Variants in EIF2B3 observed in about 807,000 individuals in gnomAD.
EIF2B3 encodes the protein translation initiation factor eIF2B subunit gamma.
Under a neutral mutation model 54.1 loss-of-function variants are expected in EIF2B3, and 20 were observed. That is an observed-to-expected ratio of 0.37 (90% CI 0.26 to 0.54). EIF2B3 has a LOEUF of 0.54. EIF2B3 is among the 20% of genes least tolerant of loss of function. EIF2B3 has a pLI of 0.86. For synonymous variants in EIF2B3, 153 were observed against 188.1 expected, an observed-to-expected ratio of 0.81 and a Z score of 1.52; for missense variants, 448 against 547.8, an observed-to-expected ratio of 0.82 and a Z score of 1.82.
chr1:44,941,763 C>A (rs1391044278), intron 3 of EIF2B3, 98 bp from the exon 4 acceptor site: 1 of 1,356,318 alleles, frequency 7.4e-7, no homozygotes, highest in Non-Finnish European at 1.1e-6. Flanking sequence ...CCACACAAAT[C>A]AGACAATACT....
intron 6 of EIF2B3, among the ~76,000 whole-genome samples, chr1:44,889,232 G>T (rs1036277693): frequency 6.6e-6 from 1 of 152,218 alleles, no homozygotes; most frequent in Non-Finnish European, 1.5e-5. Context: ...AAATTTAAAA[G>T]TGCTTTTTAA....
chr1:44,916,000 A>C (rs1268549023), intron 5 of EIF2B3, among the ~76,000 whole-genome samples: 2 of 152,112 alleles, frequency 1.3e-5, no homozygotes, highest in African/African-American at 4.8e-5. Flanking sequence ...ATGAAAGATG[A>C]TGTTATTAAT....
intron 5 of EIF2B3, among the ~76,000 whole-genome samples, chr1:44,905,741 T>A (rs966350654): frequency 6.6e-6 from 1 of 152,132 alleles, no homozygotes; most frequent in Non-Finnish European, 1.5e-5. Flanking sequence ...TTGATATTAA[T>A]TACATACAAA....
At chr1:44,891,409 G>A (rs1376770634) in intron 6 of EIF2B3, among the ~76,000 whole-genome samples, 3 of 152,154 alleles carry the variant, frequency 2.0e-5, no homozygotes, top group African/African-American at 7.2e-5. Flanking sequence ...ATACAGGCAT[G>A]AGCCACCGCA....
intron 3 of EIF2B3, among the ~76,000 whole-genome samples, chr1:44,965,972 A>G (rs570166812): frequency 6.6e-6 from 1 of 152,144 alleles, no homozygotes; most frequent in African/African-American, 2.4e-5. Context: ...CTTCTCTCCT[A>G]GACTGTAAAG....
chr1:44,983,598 G>A (rs1015240518), intron 1 of EIF2B3, among the ~76,000 whole-genome samples: 5 of 152,296 alleles, frequency 3.3e-5, no homozygotes, highest in East Asian at 3.9e-4. Flanking sequence ...TGAGCTGGAC[G>A]TGGTGGCTCA....
At chr1:44,851,143 C>A in intron 11 of EIF2B3, 140 bp from the exon 12 acceptor site, 1 of 763,300 alleles carries the variant, frequency 1.3e-6, no homozygotes, top group East Asian at 2.8e-5. Context: ...CGGCTTACTG[C>A]AACCTCCATC....
At position 44,941,585 on chromosome 1, in the gene EIF2B3, A is replaced by C. The variant is rs764856042; in HGVS notation, c.375T>G (p.Asp125Glu). Residue 125 changes from aspartate (D) to glutamate (E), a missense_variant, in exon 4 of 12, where the codon GAT (aspartate) becomes GAG (glutamate). Around this residue, in one of 3 missense-constraint regions of EIF2B3, gnomAD observed 350 missense variants for 414.2 expected, o/e 0.85. Coordinates refer to ENST00000360403, the MANE Select transcript of EIF2B3 (RefSeq NM_020365.5). ...HEVVDLFRAY[D>E]ASLAMLMRKG... is the part of the protein sequence containing the mutation. ...TTCTCATCAACATAGCAAGTGATGC[A>C]TCATAAGCTCTAAACAGGTCCACAA... 1.2e-6 allele frequency: 2 copies of C among 1,613,952 alleles called. No individual in the cohort carries two copies. The highest frequency in any genetic ancestry group is 2.7e-5 in the African/African-American group (2 of 74,910).
chr1:44,913,974 G>A (rs1038886686), intron 5 of EIF2B3, among the ~76,000 whole-genome samples: 1 of 148,836 alleles, frequency 6.7e-6, no homozygotes, highest in Non-Finnish European at 1.5e-5. Flanking sequence ...CTACAGGCAC[G>A]CGTCAACATG....
chr1:44,942,391 A>ATG (rs776920186), intron 3 of EIF2B3, among the ~76,000 whole-genome samples: 5 of 11,862 alleles, frequency 4.2e-4, no homozygotes, highest in African/African-American at 2.7e-3. Flanking sequence ...ATATATATAT[A>ATG]TATATATATA....
chr1:44,911,564 C>T lies in EIF2B3; in HGVS notation c.567-14120G>A, dbSNP rs78001261. 8.7e-4 allele frequency among the ~76,000 whole-genome samples: 132 copies of T among 152,340 alleles called. 2 individuals carry two copies. In the East Asian group the frequency reaches 0.016, roughly 18 times the overall value. The stretch of plus-strand genomic sequence containing the variant: ...TTGTCAAATGTAATTACAATTAAGG[C>T]AGTTACTAACACTCCATTGTATGGA... On this transcript the variant is annotated intron_variant, in intron 5 of 11. Transcript: ENST00000360403.
chr1:44,873,287 G>C (rs1458921869), intron 10 of EIF2B3, among the ~76,000 whole-genome samples: 1 of 152,110 alleles, frequency 6.6e-6, no homozygotes, highest in African/African-American at 2.4e-5. Flanking sequence ...TCTTCCCAGA[G>C]GCAACTCTTT....
rs554446131 is a variant in EIF2B3, at chr1:44,951,307, C to T, written c.295-9642G>A. On this transcript the variant is annotated intron_variant, in intron 3 of 11. Transcript: ENST00000360403. ...GAACAAACAAACAAAAATCCCTGAC[C>T]TCAAAAAGCTTACATCCTATTGTCT... Among the ~76,000 whole-genome samples, 10 of 152,284 alleles carry T rather than the reference C, an allele frequency of 6.6e-5. No individual in the cohort carries two copies. The South Asian group carries it at 2.1e-3, about 32-fold the overall frequency.
At chr1:44,876,027 C>G (rs1170369696) in intron 8 of EIF2B3, among the ~76,000 whole-genome samples, 5 of 152,236 alleles carry the variant, frequency 3.3e-5, no homozygotes, top group African/African-American at 9.6e-5. Flanking sequence ...CGCGAGTGAT[C>G]CGCCAGCCTC....
At chr1:44,898,013 G>A (rs1656036977) in intron 5 of EIF2B3, among the ~76,000 whole-genome samples, 1 of 152,000 alleles carries the variant, frequency 6.6e-6, no homozygotes, top group African/African-American at 2.4e-5. Flanking sequence ...TTGGATTACA[G>A]GTGTGAGCCA....
chr1:44,894,308 C>T (rs75367716), intron 6 of EIF2B3, among the ~76,000 whole-genome samples: 5 of 152,288 alleles, frequency 3.3e-5, no homozygotes, highest in African/African-American at 4.8e-5. Flanking sequence ...AAAATGTGTA[C>T]AGTTACTAAA....
chr1:44,965,611 G>A (rs1644328500), intron 3 of EIF2B3, among the ~76,000 whole-genome samples: 1 of 150,064 alleles, frequency 6.7e-6, no homozygotes. Flanking sequence ...AAAGGCCTGG[G>A]TATCTGAGAT....
chr1:44,910,657 T>TA (rs71040518), intron 5 of EIF2B3, among the ~76,000 whole-genome samples: 12 of 73,676 alleles, frequency 1.6e-4, no homozygotes, highest in Non-Finnish European at 2.2e-4. Context: ...TTTTTTTTTT[T>TA]AAAAGAGAGA....
intron 10 of EIF2B3, among the ~76,000 whole-genome samples, chr1:44,869,265 G>A (rs1654879670): frequency 1.3e-5 from 2 of 152,052 alleles, no homozygotes; most frequent in Admixed American, 6.6e-5. Context: ...ATCACTTGAG[G>A]TCAGGAGTTC....
Sources: allele counts gnomAD v4.1 joint callset (sites outside exome capture counted in the v4.1 genomes callset), GRCh38; gene constraint gnomAD v4.1.1; regional missense constraint gnomAD v4.1.1; transcripts MANE v1.5; gene names NCBI Gene and HGNC (gene_info 2026-07-23, HGNC 2026-07-21).